Variants in DLG2 observed in about 807,000 individuals in gnomAD.
DLG2 encodes disks large homolog 2.
A neutral mutation model predicts 132.5 loss-of-function variants in DLG2; 45 were observed. The ratio of observed to expected loss-of-function variants is 0.34; its 90% CI spans 0.27 to 0.44. The LOEUF (loss-of-function observed/expected upper bound fraction) is 0.44. Ranked by LOEUF, DLG2 falls within the 20% of genes least tolerant of loss-of-function variation. The pLI, the probability that DLG2 is intolerant of heterozygous loss-of-function variation, is 1.00. For missense variants in DLG2, 1,045 were observed against 1,196.9 expected, an observed-to-expected ratio of 0.87 and a Z score of 1.87; for synonymous variants, 424 against 419.6, an observed-to-expected ratio of 1.01 and a Z score of -0.13.
chr11:83,989,210 A>T (rs370592208), intron 11 of DLG2, among the ~76,000 whole-genome samples: 4 of 152,252 alleles, frequency 2.6e-5, no homozygotes, highest in Admixed American at 2.6e-4. Context: ...CCTCAGGTAA[A>T]CTTTGATGAG....
intron 8 of DLG2, among the ~76,000 whole-genome samples, chr11:84,236,900 T>C (rs1213737419): frequency 1.3e-5 from 2 of 151,918 alleles, no homozygotes; most frequent in African/African-American, 2.4e-5. Flanking sequence ...GAATCTTTAT[T>C]CCTGGGGTTG....
intron 6 of DLG2, among the ~76,000 whole-genome samples, chr11:85,106,734 T>C (rs550907958): frequency 6.6e-5 from 10 of 152,124 alleles, no homozygotes; most frequent in African/African-American, 2.4e-4. Context: ...TCCAAGGTCA[T>C]ACAGCTTACT....
intron 18 of DLG2, among the ~76,000 whole-genome samples, chr11:83,720,249 C>T (rs555339583): frequency 7.9e-6 from 1 of 126,198 alleles, no homozygotes; most frequent in East Asian, 2.3e-4. Context: ...GCCAACATCA[C>T]ACCACTGCAC....
At chr11:85,481,185 T>G (rs1391120506) in intron 3 of DLG2, among the ~76,000 whole-genome samples, 1 of 152,164 alleles carries the variant, frequency 6.6e-6, no homozygotes, top group Non-Finnish European at 1.5e-5. Flanking sequence ...TTTGTGTTTA[T>G]GTTCGGTATC....
chr11:83,621,824 G>A (rs1177987513), intron 19 of DLG2, among the ~76,000 whole-genome samples: 4 of 152,126 alleles, frequency 2.6e-5, no homozygotes, highest in Non-Finnish European at 5.9e-5. Flanking sequence ...GGGGTCAACA[G>A]GAATGGCTTC....
intron 3 of DLG2, among the ~76,000 whole-genome samples, chr11:85,346,749 G>A (rs778065948): frequency 9.9e-5 from 15 of 152,100 alleles, no homozygotes; most frequent in Non-Finnish European, 2.2e-4. Context: ...TCAAACGCCT[G>A]TGACAATGGG....
intron 3 of DLG2, among the ~76,000 whole-genome samples, chr11:85,520,569 A>G (rs1384196970): frequency 6.6e-6 from 1 of 151,542 alleles, no homozygotes; most frequent in Admixed American, 6.6e-5. Flanking sequence ...CCCTTAGTAA[A>G]AAGAACAAAA....
intron 9 of DLG2, among the ~76,000 whole-genome samples, chr11:84,102,238 G>C (rs2092589768): frequency 1.3e-5 from 2 of 152,134 alleles, no homozygotes; most frequent in Non-Finnish European, 2.9e-5. Context: ...GTAGTTGTCT[G>C]TTTCTGAGTC....
intron 3 of DLG2, among the ~76,000 whole-genome samples, chr11:85,512,911 A>G (rs1480344381): frequency 6.6e-6 from 1 of 152,112 alleles, no homozygotes. Flanking sequence ...TTGCAGCACT[A>G]TTCACAACAG....
chr11:83,920,433 G>A (rs568891963), intron 15 of DLG2, among the ~76,000 whole-genome samples: 4 of 151,946 alleles, frequency 2.6e-5, no homozygotes, highest in Admixed American at 2.6e-4. Context: ...ATAAATACAG[G>A]CAGGCTTGCA....
At chr11:83,721,244 A>G (rs183222048) in intron 18 of DLG2, among the ~76,000 whole-genome samples, 31 of 152,300 alleles carry the variant, frequency 2.0e-4, no homozygotes, top group African/African-American at 7.2e-4. Flanking sequence ...TAATTAACTC[A>G]TTTAACAGAC....
At chr11:85,079,026 G>A (rs975807673) in intron 6 of DLG2, among the ~76,000 whole-genome samples, 1 of 152,138 alleles carries the variant, frequency 6.6e-6, no homozygotes, top group South Asian at 2.1e-4. Flanking sequence ...TGTTTTAGGG[G>A]GGGGGTCTGA....
intron 11 of DLG2, among the ~76,000 whole-genome samples, chr11:84,020,322 T>G (rs543611471): frequency 6.6e-6 from 1 of 152,170 alleles, no homozygotes; most frequent in Non-Finnish European, 1.5e-5. Context: ...ACGAAATATA[T>G]ATAGATATAG....
At chr11:83,773,537 A>G (rs2094475828) in intron 18 of DLG2, among the ~76,000 whole-genome samples, 1 of 152,188 alleles carries the variant, frequency 6.6e-6, no homozygotes, top group Non-Finnish European at 1.5e-5. Context: ...GTTTGTCTTT[A>G]GTTAACCTGG....
intron 6 of DLG2, among the ~76,000 whole-genome samples, chr11:84,848,597 A>T (rs888253565): frequency 6.6e-6 from 1 of 152,088 alleles, no homozygotes; most frequent in African/African-American, 2.4e-5. Context: ...TCCCTGTCTC[A>T]CCATTTTACG....
intron 3 of DLG2, among the ~76,000 whole-genome samples, chr11:85,387,153 G>T (rs1030097919): frequency 8.5e-5 from 13 of 152,126 alleles, no homozygotes; most frequent in African/African-American, 3.1e-4. Flanking sequence ...CTCCCAAAGT[G>T]CTGGGATTAC....
At chr11:85,333,078 T>G (rs1179903503) in intron 3 of DLG2, among the ~76,000 whole-genome samples, 1 of 152,220 alleles carries the variant, frequency 6.6e-6, no homozygotes. Flanking sequence ...TTCCTATCCA[T>G]GAGCATGGAA....
intron 7 of DLG2, among the ~76,000 whole-genome samples, chr11:84,450,687 C>G (rs1373429972): frequency 2.6e-5 from 4 of 151,674 alleles, no homozygotes; most frequent in Non-Finnish European, 5.9e-5. Flanking sequence ...AGACTGAGTT[C>G]AAATCCCTGG....
intron 4 of DLG2, among the ~76,000 whole-genome samples, chr11:85,271,500 A>G (rs2077526709): frequency 6.6e-6 from 1 of 152,206 alleles, no homozygotes; most frequent in Admixed American, 6.5e-5. Flanking sequence ...AGACCCCAGA[A>G]TGGTAGATCC....
Sources: allele counts gnomAD v4.1 joint callset (sites outside exome capture counted in the v4.1 genomes callset), GRCh38; gene constraint gnomAD v4.1.1; transcripts MANE v1.5; gene names NCBI Gene and HGNC (gene_info 2026-07-23, HGNC 2026-07-21).